HTT: variants seen among roughly 807,000 people sequenced by gnomAD.
HTT encodes huntington disease protein.
HTT carries 104 observed loss-of-function variants against 362.3 expected under a neutral mutation model. That is an observed-to-expected ratio of 0.29 (90% CI 0.24 to 0.34). The LOEUF is 0.34. Among genes scored for constraint, HTT ranks in the 10% least tolerant of loss-of-function variants. HTT has a pLI of 1.00. For synonymous variants in HTT, 1,577 were observed against 1,548.7 expected, an observed-to-expected ratio of 1.02 and a Z score of -0.43; for missense variants, 3,301 against 3,928.6, an observed-to-expected ratio of 0.84 and a Z score of 4.27.
At chr4:3,147,872 T>C in intron 25 of HTT, 133 bp from the exon 26 acceptor site, 1 of 641,458 alleles carries the variant, frequency 1.6e-6, no homozygotes, top group South Asian at 2.5e-5. Context: ...TGAGTTTGGC[T>C]TATCAGTTGA....
chr4:3,193,919 T>C (rs1328527899), intron 40 of HTT, among the ~76,000 whole-genome samples: 1 of 152,144 alleles, frequency 6.6e-6, no homozygotes, highest in African/African-American at 2.4e-5. Flanking sequence ...TGCCCAACAT[T>C]TGCAAGTAAG....
chr4:3,224,614 C>T (rs1410984690), intron 56 of HTT, among the ~76,000 whole-genome samples: 7 of 152,180 alleles, frequency 4.6e-5, no homozygotes, highest in African/African-American at 1.4e-4. Context: ...TGTGCCTGCC[C>T]TATCACAGGC....
intron 51 of HTT, among the ~76,000 whole-genome samples, chr4:3,216,223 G>A (rs776731958): frequency 6.6e-6 from 1 of 152,200 alleles, no homozygotes; most frequent in Non-Finnish European, 1.5e-5. Context: ...GAATGACCCA[G>A]AAGCAATGGC....
intron 37 of HTT, among the ~76,000 whole-genome samples, chr4:3,183,486 C>G (rs1268527090): frequency 6.6e-6 from 1 of 152,210 alleles, no homozygotes; most frequent in Non-Finnish European, 1.5e-5. Flanking sequence ...AACAACTACT[C>G]TGTATAGTAC....
In HTT at chr4:3,206,401, T is replaced by G; in HGVS notation, c.5719-95T>G. On this transcript the variant is annotated intron_variant, in intron 42 of 66. Transcript: ENST00000355072. The surrounding 1 kb of genome is among the most constrained non-coding windows in gnomAD (Gnocchi z 4.6). ...GTGAGGTTTATATTTGGGATGTGTTTTCTCCTTCTTACCCTTTCTGGCCTT... is the reference window on the plus strand; with the variant it reads ...GTGAGGTTTATATTTGGGATGTGTTGTCTCCTTCTTACCCTTTCTGGCCTT... 4.5e-6 allele frequency: 4 copies of G among 891,940 alleles called. No individual in the cohort carries two copies. Among genetic ancestry groups the G allele is most frequent in the South Asian group, 1.5e-5 (1 of 65,620 alleles). The allele number at this position is 891,940 out of a possible 1,614,324, so 55.3% of individuals were successfully genotyped here.
At chr4:3,173,708 G>A (rs1325824680) in intron 31 of HTT, among the ~76,000 whole-genome samples, 9 of 148,666 alleles carry the variant, frequency 6.1e-5, no homozygotes, top group Non-Finnish European at 1.2e-4. Flanking sequence ...TTGCTCTGTC[G>A]CCCAGGCTGG....
chr4:3,225,851 G>A, intron 57 of HTT, 108 bp downstream of exon 57: 1 of 699,696 alleles, frequency 1.4e-6, no homozygotes, highest in Non-Finnish European at 2.3e-6. Context: ...ATGAAAGGAA[G>A]TTTTCCTTTT....
intron 51 of HTT, among the ~76,000 whole-genome samples, chr4:3,215,544 C>T (rs189246645): frequency 6.6e-6 from 1 of 152,276 alleles, no homozygotes; most frequent in African/African-American, 2.4e-5. Context: ...GGTTTGTCTT[C>T]TTTGTGTTCT....
intron 33 of HTT, among the ~76,000 whole-genome samples, chr4:3,176,029 T>TTTTTG (rs1042347782): frequency 7.3e-6 from 1 of 137,086 alleles, no homozygotes; most frequent in African/African-American, 3.5e-5. Context: ...TTGTTTGTTT[T>TTTTTG]TTTTTGTTTT....
chr4:3,187,188 C>T (rs769066707), intron 38 of HTT, among the ~76,000 whole-genome samples: 35 of 151,348 alleles, frequency 2.3e-4, no homozygotes, highest in Middle Eastern at 6.8e-3. Flanking sequence ...TGGAGCCTTG[C>T]TCTGTCACCC....
intron 8 of HTT, among the ~76,000 whole-genome samples, chr4:3,116,647 C>A (rs1201598980): frequency 6.6e-6 from 1 of 152,162 alleles, no homozygotes; most frequent in African/African-American, 2.4e-5. Flanking sequence ...GCTTCTGCCC[C>A]GTGGAGGCTG....
In HTT at chr4:3,075,039, C is replaced by T. The variant is rs1231836584; in HGVS notation, c.214C>T (p.Pro72Ser). The change falls in exon 1 of 67, where the codon CCC (proline) becomes TCC (serine). Residue 72 changes from proline (P) to serine (S), a missense_variant. Around this residue, in one of 4 missense-constraint regions of HTT, gnomAD observed 2,316 missense variants for 2,658.5 expected, o/e 0.87. Transcript: ENST00000355072. The stretch of plus-strand genomic sequence containing the variant: ...TCAGCCGCAGCCGCCCCCGCCGCCG[C>T]CCCCGCCGCCACCCGGCCCGGCTGT... The part of the protein sequence containing the change: ...LPQPQPPPPP[P>S]PPPPGPAVAE... 2 of 1,249,290 alleles carry T rather than the reference C, an allele frequency of 1.6e-6. No individual in the cohort carries two copies. Among genetic ancestry groups the T allele is most frequent in the Non-Finnish European group, 2.0e-6 (2 of 1,003,362 alleles). 77.4% of individuals were successfully genotyped at this position (1,249,290 alleles called of 1,614,324 possible).
rs1406173120 is a variant in HTT at position 3,236,217 on chromosome 4, A to G, written c.8854A>G (p.Ile2952Val). 1 of 1,614,038 alleles carries G rather than the reference A, an allele frequency of 6.2e-7. No homozygotes were observed. Among genetic ancestry groups the G allele is most frequent in the Admixed American group, 1.7e-5 (1 of 60,036 alleles). Residue 2952 changes from isoleucine (I) to valine (V), a missense_variant, in exon 64 of 67, where the codon ATT (isoleucine) becomes GTT (valine). Ile to Val is a conservative substitution (Grantham distance 29). Around this residue, in one of 4 missense-constraint regions of HTT, gnomAD observed 753 missense variants for 1,021.3 expected, o/e 0.74. Coordinates refer to ENST00000355072, the MANE Select transcript of HTT (RefSeq NM_001388492.1). ...TGCAGCCCCCGACAGCGAGTCAGTG[A>G]TTGTTGCTATGGAGCGGGTATCTGT... ...NPAAPDSESV[I>V]VAMERVSVLF...
chr4:3,140,805 T>G (rs745792470), intron 22 of HTT, 149 bp downstream of exon 22: 2 of 691,568 alleles, frequency 2.9e-6, no homozygotes, highest in Non-Finnish European at 4.7e-6. Flanking sequence ...GATAGGATAT[T>G]ATCATTTTGA....
chr4:3,102,863 C>T (rs185905417), intron 3 of HTT, among the ~76,000 whole-genome samples: 3 of 152,278 alleles, frequency 2.0e-5, no homozygotes, highest in Admixed American at 2.0e-4. Flanking sequence ...ACCATCTGGA[C>T]GTACTTTCTG....
chr4:3,128,969 T>C (rs953778595), intron 12 of HTT: 1 of 152,266 alleles, frequency 6.6e-6, no homozygotes, highest in African/African-American at 2.4e-5. Flanking sequence ...ACGATTCTTC[T>C]TTCTGTCTTC....
chr4:3,131,778 A>G lies in HTT; in HGVS notation c.2236+3A>G. 6.2e-7 allele frequency: 1 copy of G among 1,608,670 alleles called. No individual in the cohort carries two copies. The highest frequency in any genetic ancestry group is 8.5e-7 in the Non-Finnish European group (1 of 1,176,852). ...TCTTGACACCACGGAATACCCTGGT[A>G]TGTTAAAAGTTCACATCTTATTTTC... On this transcript the variant is annotated splice_donor_region_variant and intron_variant, in intron 16 of 66. Coordinates refer to ENST00000355072, the MANE Select transcript of HTT (RefSeq NM_001388492.1).
intron 1 of HTT, among the ~76,000 whole-genome samples, chr4:3,076,413 A>T (rs747916977): frequency 2.0e-5 from 3 of 152,184 alleles, no homozygotes; most frequent in Non-Finnish European, 4.4e-5. Context: ...TGTTTCTGTT[A>T]TGATCCTTGT....
At chr4:3,237,263 G>A (rs1487398224) in intron 64 of HTT, among the ~76,000 whole-genome samples, 3 of 152,060 alleles carry the variant, frequency 2.0e-5, no homozygotes, top group Non-Finnish European at 2.9e-5. Context: ...TAGTAGAGAC[G>A]GGGTTTCACC....
Sources: allele counts gnomAD v4.1 joint callset (sites outside exome capture counted in the v4.1 genomes callset), GRCh38; gene constraint gnomAD v4.1.1; regional missense constraint gnomAD v4.1.1; non-coding constraint Gnocchi (gnomAD v3.1); transcripts MANE v1.5; gene names NCBI Gene and HGNC (gene_info 2026-07-23, HGNC 2026-07-21).